The following CSMD1 variants were observed in gnomAD, a reference collection of about 807,000 sequenced individuals.
The protein encoded by CSMD1 is CUB and sushi domain-containing protein 1.
A neutral mutation model predicts 417.5 loss-of-function variants in CSMD1; 213 were observed. The observed-to-expected ratio is 0.51, with a 90% CI of 0.46 to 0.57. The LOEUF (loss-of-function observed/expected upper bound fraction) is 0.57. Ranked by LOEUF, CSMD1 falls within the 20% of genes least tolerant of loss-of-function variation. The pLI is 0.00. For missense variants in CSMD1, 6,923 were observed against 4,529.7 expected, an observed-to-expected ratio of 1.53 and a Z score of -15.17; for synonymous variants, 2,862 against 1,736.8, an observed-to-expected ratio of 1.65 and a Z score of -16.11.
intron 10 of CSMD1, among the ~76,000 whole-genome samples, chr8:3,549,445 A>G (rs1358548920): frequency 2.0e-5 from 3 of 152,190 alleles, no homozygotes; most frequent in East Asian, 1.9e-4. Context: ...TGAGGCTCAC[A>G]TGGAAACTCA....
intron 10 of CSMD1, among the ~76,000 whole-genome samples, chr8:3,562,377 C>G (rs1029822034): frequency 6.6e-6 from 1 of 151,744 alleles, no homozygotes; most frequent in Non-Finnish European, 1.5e-5. Context: ...CACACATGCA[C>G]ACACACACAC....
chr8:3,844,362 A>C (rs531347707), intron 5 of CSMD1, among the ~76,000 whole-genome samples: 1 of 152,148 alleles, frequency 6.6e-6, no homozygotes, highest in Non-Finnish European at 1.5e-5. Flanking sequence ...CAGAAGTTCT[A>C]TCTGGTAGAC....
At chr8:3,750,798 G>C (rs1797300899) in intron 6 of CSMD1, among the ~76,000 whole-genome samples, 1 of 152,140 alleles carries the variant, frequency 6.6e-6, no homozygotes, top group African/African-American at 2.4e-5. Context: ...ATCCTAAGCT[G>C]TTGCTCTGTC....
At chr8:3,509,113 G>C (rs1028083677) in intron 10 of CSMD1, among the ~76,000 whole-genome samples, 1 of 152,144 alleles carries the variant, frequency 6.6e-6, no homozygotes, top group Non-Finnish European at 1.5e-5. Context: ...TGCTCAGTAG[G>C]ATTCTTATGA....
At chr8:4,261,396 G>A (rs1346479827) in intron 3 of CSMD1, among the ~76,000 whole-genome samples, 1 of 152,152 alleles carries the variant, frequency 6.6e-6, no homozygotes, top group Non-Finnish European at 1.5e-5. Flanking sequence ...AATGGTAGTT[G>A]CCAGGGGCTG....
At chr8:4,616,674 A>G (rs941451963) in intron 2 of CSMD1, among the ~76,000 whole-genome samples, 1 of 152,164 alleles carries the variant, frequency 6.6e-6, no homozygotes, top group Non-Finnish European at 1.5e-5. Context: ...CCAACAGTAA[A>G]CTGACTTTAA....
chr8:4,780,307 T>C (rs1017853072), intron 1 of CSMD1, among the ~76,000 whole-genome samples: 1 of 152,220 alleles, frequency 6.6e-6, no homozygotes, highest in Non-Finnish European at 1.5e-5. Context: ...CTGCGCTATA[T>C]AATGGGGCTT....
At chr8:3,292,380 C>T (rs1450960267) in intron 25 of CSMD1, among the ~76,000 whole-genome samples, 2 of 151,978 alleles carry the variant, frequency 1.3e-5, no homozygotes, top group Non-Finnish European at 2.9e-5. Context: ...CCTGGGTATC[C>T]TTGTTAACTT....
intron 3 of CSMD1, among the ~76,000 whole-genome samples, chr8:4,145,920 G>T (rs548211008): frequency 2.7e-5 from 4 of 150,936 alleles, no homozygotes; most frequent in Middle Eastern, 6.3e-3. Context: ...CACATGATTG[G>T]CCCCATTGTT....
intron 4 of CSMD1, among the ~76,000 whole-genome samples, chr8:4,006,821 C>CTTTT (rs1440838943): frequency 2.2e-5 from 2 of 90,086 alleles, no homozygotes; most frequent in Non-Finnish European, 2.2e-5. Context: ...AGGACTTTTC[C>CTTTT]TATTTTTTTT....
chr8:4,343,441 A>G (rs1455830238), intron 3 of CSMD1, among the ~76,000 whole-genome samples: 1 of 152,120 alleles, frequency 6.6e-6, no homozygotes, highest in African/African-American at 2.4e-5. Flanking sequence ...AATGGTCACT[A>G]TGTGTGGTGA....
At chr8:3,711,353 G>A (rs1021852785) in intron 6 of CSMD1, among the ~76,000 whole-genome samples, 1 of 152,160 alleles carries the variant, frequency 6.6e-6, no homozygotes, top group Non-Finnish European at 1.5e-5. Context: ...CCCCCTCCAA[G>A]GAAGGGCTGG....
At chr8:3,834,836 T>G (rs866656829) in intron 5 of CSMD1, among the ~76,000 whole-genome samples, 1 of 151,464 alleles carries the variant, frequency 6.6e-6, no homozygotes, top group African/African-American at 2.4e-5. Context: ...AGGGCTAATA[T>G]CCAGAATCTA....
At chr8:4,904,685 G>C (rs1018232255) in intron 1 of CSMD1, among the ~76,000 whole-genome samples, 4 of 151,918 alleles carry the variant, frequency 2.6e-5, no homozygotes, top group Non-Finnish European at 5.9e-5. Flanking sequence ...TTAAGTACTG[G>C]GGAAAACTAA....
intron 1 of CSMD1, among the ~76,000 whole-genome samples, chr8:4,790,391 A>C (rs1041470377): frequency 6.6e-6 from 1 of 152,206 alleles, no homozygotes; most frequent in Non-Finnish European, 1.5e-5. Flanking sequence ...TGTTAAAATA[A>C]ATAGCCATAC....
intron 3 of CSMD1, among the ~76,000 whole-genome samples, chr8:4,406,999 A>T (rs1314639961): frequency 6.6e-6 from 1 of 152,156 alleles, no homozygotes; most frequent in African/African-American, 2.4e-5. Context: ...TAGGGTTGGG[A>T]TTCCACACCA....
At chr8:4,863,017 C>T (rs1488503937) in intron 1 of CSMD1, among the ~76,000 whole-genome samples, 1 of 152,058 alleles carries the variant, frequency 6.6e-6, no homozygotes, top group Non-Finnish European at 1.5e-5. Context: ...AAGGGGAACA[C>T]ACTCTGACAG....
intron 3 of CSMD1, among the ~76,000 whole-genome samples, chr8:4,210,706 TTGTAATGTTAAA>T (rs1800255152): frequency 6.6e-6 from 1 of 152,192 alleles, no homozygotes; most frequent in Non-Finnish European, 1.5e-5. Flanking sequence ...GCTCATTTAA[TTGTAATGTTAAA>T]CACTAAAAAT....
At chr8:4,918,700 T>C (rs774948694) in intron 1 of CSMD1, among the ~76,000 whole-genome samples, 7 of 152,228 alleles carry the variant, frequency 4.6e-5, no homozygotes, top group Non-Finnish European at 7.3e-5. Context: ...ATTTGACTAA[T>C]ACATTTTTCG....
Sources: allele counts gnomAD v4.1 joint callset (sites outside exome capture counted in the v4.1 genomes callset), GRCh38; gene constraint gnomAD v4.1.1; transcripts MANE v1.5; gene names NCBI Gene and HGNC (gene_info 2026-07-23, HGNC 2026-07-21).